NCOR2: variants seen among roughly 807,000 people sequenced by gnomAD.
NCOR2 encodes CTG repeat protein 26.
In NCOR2, 81 loss-of-function variants were observed where a neutral mutation model predicts 262.9. The ratio of observed to expected loss-of-function variants is 0.31; its 90% confidence interval spans 0.26 to 0.37. NCOR2 has a LOEUF of 0.37. Among genes scored for constraint, NCOR2 ranks in the 10% least tolerant of loss-of-function variants. The pLI, the probability that NCOR2 is intolerant of heterozygous loss-of-function variation, is 1.00. For synonymous variants in NCOR2, 1,659 were observed against 1,559.3 expected (o/e 1.06, Z -1.51); for missense variants, 3,385 against 3,621.4 (o/e 0.93, Z 1.68).
chr12:124,430,869 C>G, intron 8 of NCOR2, 82 bp from the exon 11 acceptor site: 1 of 1,503,368 alleles, frequency 6.7e-7, no homozygotes. Flanking sequence ...CACATGCAGG[C>G]AGACACACAG....
intron 12 of NCOR2, among the ~76,000 whole-genome samples, chr12:124,422,023 A>G (rs1329361644): frequency 1.3e-5 from 2 of 152,210 alleles, no homozygotes; most frequent in Non-Finnish European, 2.9e-5. Flanking sequence ...AGGTGTCAGA[A>G]AGCAGTCAGT....
At chr12:124,388,793 C>T (rs370522701) in intron 16 of NCOR2, 59 of 1,298,666 alleles carry the variant, frequency 4.5e-5, no homozygotes, top group South Asian at 1.2e-4. Context: ...CGGCCGCGGT[C>T]GGCTCTGCGA....
At chr12:124,456,190 T>C (rs969796490) in intron 6 of NCOR2, among the ~76,000 whole-genome samples, 1 of 152,356 alleles carries the variant, frequency 6.6e-6, no homozygotes, top group African/African-American at 2.4e-5. Context: ...CATAAGCCTT[T>C]ATCTGCACCC....
At chr12:124,355,135 G>GC in intron 24 of NCOR2, 196 bp from the exon 27 acceptor site, 1 of 617,746 alleles carries the variant, frequency 1.6e-6, no homozygotes, top group East Asian at 2.8e-5. Context: ...TGCCCTCTGA[G>GC]CCCCTTGCAT....
intron 27 of NCOR2, 107 bp from the exon 30 acceptor site, chr12:124,350,844 A>AC: frequency 8.6e-7 from 1 of 1,158,196 alleles, no homozygotes; most frequent in Non-Finnish European, 1.2e-6. Context: ...ACCGATGCAC[A>AC]CGCGTGTCCA....
intron 6 of NCOR2, among the ~76,000 whole-genome samples, chr12:124,452,353 A>C (rs1014522819): frequency 6.6e-6 from 1 of 152,228 alleles, no homozygotes; most frequent in Non-Finnish European, 1.5e-5. Flanking sequence ...GGCCAGGTGC[A>C]AGCGGACATC....
exon 20 of NCOR2, chr12:124,372,191 C>T (rs753968689): frequency 5.6e-6 from 9 of 1,601,452 alleles, no homozygotes; most frequent in East Asian, 4.5e-5. Flanking sequence ...GCGGCCTCCG[C>T]GTCCTTGCCC....
At position 124,481,648 on chromosome 12, in the gene NCOR2, G is replaced by A. The variant is rs957108210; in HGVS notation, c.411+1948C>T. Among the ~76,000 whole-genome samples, 11 of 152,344 alleles carry A rather than the reference G, an allele frequency of 7.2e-5. No individual in the cohort carries two copies. Among genetic ancestry groups the A allele is most frequent in the African/African-American group, 1.7e-4 (7 of 41,570 alleles). On this transcript the variant is annotated intron_variant, in intron 3 of 46. Transcript: ENST00000405201. This position sits in a 1 kb window ranked among gnomAD's most constrained non-coding sequence, Gnocchi z 4.6. ...GTGGCCTGGGAGGCTGTACGTGAGCGGTTGAGAGGGCTGCTGCAGGGAGAT... is the reference window on the plus strand; with the variant it reads ...GTGGCCTGGGAGGCTGTACGTGAGCAGTTGAGAGGGCTGCTGCAGGGAGAT...
chr12:124,499,851 G>A (rs2048599599), upstream of NCOR2, among the ~76,000 whole-genome samples: 1 of 152,134 alleles, frequency 6.6e-6, no homozygotes, highest in Non-Finnish European at 1.5e-5. Flanking sequence ...AGTGGATCAG[G>A]GAGACCTGGG....
intron 1 of NCOR2, among the ~76,000 whole-genome samples, chr12:124,564,141 T>G (rs2052158129): frequency 6.6e-6 from 1 of 152,242 alleles, no homozygotes; most frequent in African/African-American, 2.4e-5. Context: ...TCCACAGCCT[T>G]TTCCAACATG....
At chr12:124,339,904 C>CCCCCCCCCCCCTAT in intron 37 of NCOR2, 102 bp downstream of exon 39, 3 of 776,826 alleles carry the variant, frequency 3.9e-6, no homozygotes, top group South Asian at 1.8e-5. Flanking sequence ...CCCACCCACC[C>CCCCCCCCCCCCTAT]ACCTCCCATA....
At chr12:124,514,091 G>A (rs1044409469) in intron 1 of NCOR2, 1 of 152,254 alleles carries the variant, frequency 6.6e-6, no homozygotes, top group Non-Finnish European at 1.5e-5. Context: ...GAGTGTGAAT[G>A]TTTATGTCCC....
rs1439822699 is a variant in NCOR2, at chr12:124,517,349, C to G, written c.-118+18216G>C. On this transcript the variant is annotated intron_variant, in intron 1 of 46. Transcript: ENST00000404621. This position sits in a 1 kb window ranked among gnomAD's most constrained non-coding sequence, Gnocchi z 7.6. ...CACCCAGACCTCAGGACAAATCACT[C>G]CCTCATCCCCCCGGTTTGCAACTAA... 2.6e-5 allele frequency among the ~76,000 whole-genome samples: 4 copies of G among 152,310 alleles called. No homozygotes were observed. The highest frequency in any genetic ancestry group is 6.5e-5 in the Admixed American group (1 of 15,298).
At chr12:124,344,831 C>T in exon 32 of NCOR2, 1 of 1,561,276 alleles carries the variant, frequency 6.4e-7, no homozygotes, top group Non-Finnish European at 8.7e-7. Flanking sequence ...CGGGCGTCGG[C>T]CATCACATCC....
chr12:124,392,609 C>T (rs2041388119), intron 16 of NCOR2, among the ~76,000 whole-genome samples: 1 of 152,230 alleles, frequency 6.6e-6, no homozygotes, highest in African/African-American at 2.4e-5. Context: ...CCCGCCCACC[C>T]CACTGTAAGC....
At position 124,375,561 on chromosome 12, in the gene NCOR2, G is replaced by A. The variant is rs80122622; in HGVS notation, c.2168-1098C>T. Among the ~76,000 whole-genome samples the A allele has an allele frequency of 3.7e-3, 562 of 152,308 alleles. 4 individuals carry two copies. The highest frequency in any genetic ancestry group is 0.013 in the African/African-American group (533 of 41,566). ...TGCTTTGTGCAGCATCTGACACACA[G>A]TAGGTGCTTAACAAGAGTGACCAAA... On this transcript the variant is annotated intron_variant, in intron 18 of 46. Coordinates refer to ENST00000405201, the Ensembl canonical transcript of NCOR2.
At chr12:124,428,044 A>AGTGTGTGTGTGTGTGTGTGT (rs55965573) in intron 10 of NCOR2, among the ~76,000 whole-genome samples, 3,628 of 112,364 alleles carry the variant, frequency 0.032, 290 homozygotes, top group Non-Finnish European at 0.045. Context: ...CCATGTGGCC[A>AGTGTGTGTGTGTGTGTGTGT]GTGTGTGTGT....
chr12:124,430,605 C>T lies in NCOR2; in HGVS notation c.1055+10G>A. 6.2e-7 allele frequency: 1 copy of T among 1,603,412 alleles called. No individual in the cohort carries two copies. On this transcript the variant is annotated intron_variant, in intron 9 of 46. Transcript: ENST00000405201. ...TGACGTCGGGGGCCCTGGGCTCAGG[C>T]CCCGCTCACCTCTGCATGCGCTCCT...
At position 124,483,580 on chromosome 12, in the gene NCOR2, G is replaced by A. The variant is rs1169377436; in HGVS notation, c.411+16C>T. 1.3e-5 allele frequency: 20 copies of A among 1,553,550 alleles called. 1 individual carries two copies. In the Admixed American group the frequency reaches 3.7e-4, roughly 29 times the overall value. On this transcript the variant is annotated intron_variant, in intron 3 of 46. Transcript: ENST00000405201. The surrounding 1 kb of genome is among the most constrained non-coding windows in gnomAD (Gnocchi z 6.3). ...TCAAGCGGGAGAGGAGCTCCCAGCT[G>A]GGGGCCCAGGCTTACCTTGGTGAGG... is the stretch of plus-strand genomic sequence containing the variant.
Sources: allele counts gnomAD v4.1 joint callset (sites outside exome capture counted in the v4.1 genomes callset), GRCh38; gene constraint gnomAD v4.1.1; non-coding constraint Gnocchi (gnomAD v3.1); transcripts MANE v1.5; gene names NCBI Gene and HGNC (gene_info 2026-07-23, HGNC 2026-07-21).